PLIN2: variants seen among roughly 807,000 people sequenced by gnomAD.
PLIN2 encodes perilipin 2.
In PLIN2, 33 loss-of-function variants were observed where a neutral mutation model predicts 30.6. That is an observed-to-expected ratio of 1.08 (90% CI 0.82 to 1.44). PLIN2 has a LOEUF of 1.44. Among genes scored for constraint, PLIN2 ranks in the 40% most tolerant of loss-of-function variants. The pLI is 0.00. For missense variants in PLIN2, 610 were observed against 531.8 expected (o/e 1.15, Z -1.45); for synonymous variants, 205 against 201.1 (o/e 1.02, Z -0.16).
At position 19,126,397 on chromosome 9, in the gene PLIN2, C is replaced by T. The variant is rs151104975; in HGVS notation, c.30G>A (p.Pro10=). 1.7e-5 allele frequency: 27 copies of T among 1,613,734 alleles called. No homozygotes were observed. The highest frequency in any genetic ancestry group is 2.0e-5 in the Non-Finnish European group (24 of 1,179,878). ...GACAAAGGCTACTCAAAATTCATAC[C>T]GGTTGTGGATCAACTGCAACGGATG... MASVAVDPQ[P]SVVTRVVNLP... is the part of the protein sequence containing the mutation. Residue 10 remains proline (P), a splice_region_variant and synonymous_variant, in exon 2 of 8, where the codon CCG becomes CCA. Transcript: ENST00000276914.
chr9:19,126,318 A>G lies in PLIN2; in HGVS notation c.31-9T>C. On this transcript the variant is annotated splice_polypyrimidine_tract_variant and intron_variant, in intron 2 of 7. Coordinates refer to ENST00000276914, the MANE Select transcript of PLIN2 (RefSeq NM_001122.4). Reference sequence around the variant, plus strand: ...ACCCGAGTCACCACACTCTGCAATCAAAGTAGGGAGGGTATGCTTATTAAT... The same window carrying G: ...ACCCGAGTCACCACACTCTGCAATCGAAGTAGGGAGGGTATGCTTATTAAT... 5.6e-6 allele frequency: 9 copies of G among 1,613,688 alleles called. No homozygotes were observed. Among genetic ancestry groups the G allele is most frequent in the Non-Finnish European group, 7.6e-6 (9 of 1,179,594 alleles).
At position 19,120,902 on chromosome 9, in the gene PLIN2, G is replaced by A. The variant is rs1489982388; in HGVS notation, c.573C>T (p.Leu191=). ...TKSELLVEQY[L]PLTEEELEKE... The stretch of plus-strand genomic sequence containing the variant: ...TACCTAGTTCTTCCTCAGTGAGAGG[G>A]AGGTACTGTTCTACCAACAGCTCTG... The change falls in exon 5 of 8, where the codon CTC becomes CTT. Residue 191 remains leucine (L), a synonymous_variant. Coordinates refer to ENST00000276914, the MANE Select transcript of PLIN2 (RefSeq NM_001122.4). The A allele has an allele frequency of 1.9e-6, 3 of 1,613,866 alleles. No homozygotes were observed. The highest frequency in any genetic ancestry group is 1.7e-5 in the Admixed American group (1 of 60,020).
At chr9:19,111,533 C>G (rs1818159453), downstream of PLIN2, among the ~76,000 whole-genome samples, 6 of 152,102 alleles carry the variant, frequency 3.9e-5, 1 homozygote, top group South Asian at 1.2e-3. Flanking sequence ...TAACCCTCAC[C>G]AGTCCTAAAA....
chr9:19,126,323 A>T lies in PLIN2; in HGVS notation c.31-14T>A. ...AGTCACCACACTCTGCAATCAAAGT[A>T]GGGAGGGTATGCTTATTAATCTCTC... On this transcript the variant is annotated splice_polypyrimidine_tract_variant and intron_variant, in intron 2 of 7. Coordinates refer to ENST00000276914, the MANE Select transcript of PLIN2 (RefSeq NM_001122.4). 6.2e-7 allele frequency: 1 copy of T among 1,613,682 alleles called. No homozygotes were observed. Among genetic ancestry groups the T allele is most frequent in the Non-Finnish European group, 8.5e-7 (1 of 1,179,572 alleles).
chr9:19,113,501 C>T (rs1253654688), downstream of PLIN2, among the ~76,000 whole-genome samples: 1 of 152,032 alleles, frequency 6.6e-6, no homozygotes, highest in Non-Finnish European at 1.5e-5. Flanking sequence ...GATTTCCCAC[C>T]TACTCTCCAA....
Position 19,125,833 on chromosome 9 carries a change from G to A in PLIN2, c.226+281C>T, listed in dbSNP as rs187568333. 3.7e-5 allele frequency: 10 copies of A among 270,482 alleles called. No individual in the cohort carries two copies. In the East Asian group the frequency reaches 6.9e-4, roughly 19 times the overall value. The allele number at this position is 270,482 out of a possible 1,614,324, so 16.8% of individuals were successfully genotyped here. ...AGCTACTCGGGAGGCTGAGGCAGGA[G>A]AATCACTTGAACCCAGCAGGCAGAG... On this transcript the variant is annotated intron_variant, in intron 3 of 7. Coordinates refer to ENST00000276914, the MANE Select transcript of PLIN2 (RefSeq NM_001122.4).
Position 19,116,166 on chromosome 9 carries a change from AG to A in PLIN2, c.*81del. 1 of 1,353,202 alleles carries A rather than the reference AG, an allele frequency of 7.4e-7. No homozygotes were observed. The highest frequency in any genetic ancestry group is 1.0e-6 in the Non-Finnish European group (1 of 997,526). 83.8% of individuals were successfully genotyped at this position (1,353,202 alleles called of 1,614,324 possible). On this transcript the variant is annotated 3_prime_UTR_variant, in exon 8 of 8. Coordinates refer to ENST00000276914, the MANE Select transcript of PLIN2 (RefSeq NM_001122.4). ...ATACTAGCTACTTGCTTCCCAATTT[AG>A]GGTTGCCTAGCAAGTTAATTTCAAC...
rs112315723 is a variant in PLIN2 at position 19,120,780 on chromosome 9, C to A, written c.595+100G>T. 4.2e-3 allele frequency: 3,978 copies of A among 951,162 alleles called. 24 individuals carry two copies. The highest frequency in any genetic ancestry group is 0.015 in the African/African-American group (959 of 61,952). 58.9% of individuals were successfully genotyped at this position (951,162 alleles called of 1,614,324 possible). A position where few individuals can be genotyped will look rare whatever the true frequency, so the allele number is the denominator to read the frequency against. On this transcript the variant is annotated intron_variant, in intron 5 of 7. Transcript: ENST00000276914. Reference sequence around the variant, plus strand: ...AAACTGGATTGCAGTGATGCTTGCACAACTGTGTAAATTTAGACTCAAGAT... The same window carrying A: ...AAACTGGATTGCAGTGATGCTTGCAAAACTGTGTAAATTTAGACTCAAGAT...
Position 19,116,497 on chromosome 9 carries a change from T to C in PLIN2, c.1065A>G (p.Ser355=). 1 of 1,614,180 alleles carries C rather than the reference T, an allele frequency of 6.2e-7. No homozygotes were observed. The highest frequency in any genetic ancestry group is 1.1e-5 in the South Asian group (1 of 91,084). Residue 355 remains serine (S), a synonymous_variant, in exon 8 of 8, where the codon TCA becomes TCG. Transcript: ENST00000276914. The part of the protein sequence containing the change: ...HMGVMAGDIY[S]VFRNAASFKE... ...TAAAGGAGGCAGCATTGCGGAACACTGAGTAGATGTCGCCTGCCATCACCC... is the reference window on the plus strand; with the variant it reads ...TAAAGGAGGCAGCATTGCGGAACACCGAGTAGATGTCGCCTGCCATCACCC...
intron 4 of PLIN2, 40 bp downstream of exon 4, chr9:19,123,525 T>G: frequency 6.2e-7 from 1 of 1,613,994 alleles, no homozygotes; most frequent in Non-Finnish European, 8.5e-7. Context: ...GATGAAAACA[T>G]GTGAAGTGTC....
intron 4 of PLIN2, among the ~76,000 whole-genome samples, chr9:19,121,455 C>T (rs371899043): frequency 7.2e-6 from 1 of 138,614 alleles, no homozygotes; most frequent in African/African-American, 2.8e-5. Context: ...TGTGCCACTG[C>T]ACTCAGCCTG....
rs1378213580 is a variant in PLIN2, at chr9:19,120,932, G to T, written c.543C>A (p.Thr181=). The change falls in exon 5 of 8, where the codon ACC becomes ACA. Residue 181 remains threonine, a synonymous_variant. Transcript: ENST00000276914. ...LVSSGVENAL[T]KSELLVEQYL... ...ACTGTTCTACCAACAGCTCTGATTTGGTGAGTGCATTTTCTACGCCACTGC... is the reference window on the plus strand; with the variant it reads ...ACTGTTCTACCAACAGCTCTGATTTTGTGAGTGCATTTTCTACGCCACTGC... The T allele has an allele frequency of 1.2e-6, 2 of 1,613,902 alleles. No homozygotes were observed. The highest frequency in any genetic ancestry group is 2.7e-5 in the African/African-American group (2 of 74,918).
In PLIN2 at chr9:19,127,053, G is replaced by T. The variant is rs1324858702; in HGVS notation, c.-23+366C>A. On this transcript the variant is annotated intron_variant, in intron 1 of 7. Transcript: ENST00000276914. The surrounding 1 kb of genome is among the most constrained non-coding windows in gnomAD (Gnocchi z 4.3). ...CGAGACTCCGTCAAAAAAAAAATGC[G>T]GTTTTCTAACGCGTTTCCCTTTCGA... is the stretch of plus-strand genomic sequence containing the variant. Among the ~76,000 whole-genome samples, 1 of 151,752 alleles carries T rather than the reference G, an allele frequency of 6.6e-6. No homozygotes were observed. The highest frequency in any genetic ancestry group is 1.5e-5 in the Non-Finnish European group (1 of 67,952).
Position 19,116,532 on chromosome 9 carries a change from T to C in PLIN2, c.1030A>G (p.Lys344Glu), listed in dbSNP as rs749702234. 2 of 1,614,044 alleles carry C rather than the reference T, an allele frequency of 1.2e-6. No homozygotes were observed. The highest frequency in any genetic ancestry group is 8.5e-7 in the Non-Finnish European group (1 of 1,180,032). ...GVPQNIQDQA[K>E]HMGVMAGDIY... Reference sequence around the variant, plus strand: ...TCGCCTGCCATCACCCCCATGTGCTTGGCTTGATCTTGGATGTTCTGTGGT... The same window carrying C: ...TCGCCTGCCATCACCCCCATGTGCTCGGCTTGATCTTGGATGTTCTGTGGT... Residue 344 changes from lysine (K) to glutamate (E), a missense_variant, in exon 8 of 8, where the codon AAG (lysine) becomes GAG (glutamate). Lys to Glu is a moderately conservative substitution (Grantham distance 56). Coordinates refer to ENST00000276914, the MANE Select transcript of PLIN2 (RefSeq NM_001122.4).
chr9:19,113,587 T>A (rs971050931), downstream of PLIN2, among the ~76,000 whole-genome samples: 2 of 151,432 alleles, frequency 1.3e-5, no homozygotes, highest in African/African-American at 2.4e-5. Context: ...AACTTTTTTT[T>A]TTTTTTTTTT....
chr9:19,110,447 G>A (rs1243622487), intron 2 of PLIN2, among the ~76,000 whole-genome samples: 1 of 151,996 alleles, frequency 6.6e-6, no homozygotes, highest in Non-Finnish European at 1.5e-5. Flanking sequence ...TTGAAAAAAT[G>A]GAAATTTTGA....
chr9:19,123,141 G>A, intron 4 of PLIN2: 2 of 551,928 alleles, frequency 3.6e-6, no homozygotes, highest in Admixed American at 6.2e-5. Context: ...AGGATCACCA[G>A]GACAGACAAG....
chr9:19,124,819 C>G lies in PLIN2; in HGVS notation c.227-1172G>C, dbSNP rs72561714. Among the ~76,000 whole-genome samples the G allele has an allele frequency of 2.6e-5, 4 of 152,228 alleles. 1 individual carries two copies. Among genetic ancestry groups the G allele is most frequent in the Admixed American group, 6.5e-5 (1 of 15,278 alleles). ...TTATACATAATCTCCAAAAGTAGAA[C>G]GAACCCAAACATCCATCAGTTGAAG... On this transcript the variant is annotated intron_variant, in intron 3 of 7. Transcript: ENST00000276914.
At position 19,126,413 on chromosome 9, in the gene PLIN2, G is replaced by A; in HGVS notation, c.14C>T (p.Ala5Val). 1.2e-6 allele frequency: 2 copies of A among 1,613,136 alleles called. No individual in the cohort carries two copies. Among genetic ancestry groups the A allele is most frequent in the South Asian group, 1.1e-5 (1 of 91,044 alleles). The change falls in exon 2 of 8, where the codon GCA becomes GTA. Residue 5 changes from alanine (A) to valine (V), a missense_variant. By Grantham distance (64) the Ala-to-Val change is moderately conservative (BLOSUM62 0). Coordinates refer to ENST00000276914, the MANE Select transcript of PLIN2 (RefSeq NM_001122.4). Reference sequence around the variant, plus strand: ...AATTCATACCGGTTGTGGATCAACTGCAACGGATGCCATTTTTCTTCCTGG... The same window carrying A: ...AATTCATACCGGTTGTGGATCAACTACAACGGATGCCATTTTTCTTCCTGG... MASV[A>V]VDPQPSVVTR...
Sources: allele counts gnomAD v4.1 joint callset (sites outside exome capture counted in the v4.1 genomes callset), GRCh38; gene constraint gnomAD v4.1.1; non-coding constraint Gnocchi (gnomAD v3.1); transcripts MANE v1.5; gene names NCBI Gene and HGNC (gene_info 2026-07-23, HGNC 2026-07-21).